RAD9A: variants seen among roughly 807,000 people sequenced by gnomAD.
The protein encoded by RAD9A is cell cycle checkpoint control protein RAD9A.
A neutral mutation model predicts 41.2 loss-of-function variants in RAD9A; 25 were observed. The observed-to-expected ratio is 0.61, with a 90% CI of 0.44 to 0.85. RAD9A has a LOEUF of 0.85. Ranked by LOEUF, RAD9A falls within the 40% of genes least tolerant of loss-of-function variation. The pLI is 0.00. For missense variants in RAD9A, 514 were observed against 518.3 expected (o/e 0.99, Z 0.08); for synonymous variants, 252 against 210.6 (o/e 1.20, Z -1.70).
chr11:67,392,262 G>GGGTGGGGGGGGGGGGGGGC, intron 2 of RAD9A, 31 bp downstream of exon 2: 1 of 600,784 alleles, frequency 1.7e-6, no homozygotes. Flanking sequence ...GGGCGGGTGG[G>GGGTGGGGGGGGGGGGGGGC]ACTCCAGCCG....
In RAD9A at chr11:67,392,748, G is replaced by A. The variant is rs1862563504; in HGVS notation, c.200G>A (p.Gly67Asp). 3 of 1,613,942 alleles carry A rather than the reference G, an allele frequency of 1.9e-6. No homozygotes were observed. The highest frequency in any genetic ancestry group is 2.5e-6 in the Non-Finnish European group (3 of 1,180,006). ...CAGCAATACCAGGCAGCCACCCCTG[G>A]TCAGGACCTGCTGCGCTGTAAGATC... Reference protein sequence around the residue: ...FFQQYQAATPGQDLLRCKILM... With the variant: ...FFQQYQAATPDQDLLRCKILM... Residue 67 changes from glycine (G) to aspartate (D), a missense_variant, in exon 3 of 11, where the codon GGT becomes GAT. Physicochemically the swap from Gly to Asp is moderately conservative, Grantham distance 94 (BLOSUM62 -1). Transcript: ENST00000307980.
chr11:67,392,248 T>TGGG lies in RAD9A; in HGVS notation c.105+21_105+23dup. ...GAGGACGGGGTGAGGGGCTAGGGTG[T>TGGG]GGGGGGCGGGTGGGACTCCAGCCGG... On this transcript the variant is annotated intron_variant, in intron 2 of 10. Coordinates refer to ENST00000307980, the MANE Select transcript of RAD9A (RefSeq NM_004584.3). 5 of 321,848 alleles carry TGGG rather than the reference T, an allele frequency of 1.6e-5. No homozygotes were observed. Among genetic ancestry groups the TGGG allele is most frequent in the Non-Finnish European group, 3.1e-5 (5 of 162,528 alleles). 19.9% of individuals were successfully genotyped at this position (321,848 alleles called of 1,614,324 possible).
intron 9 of RAD9A, 92 bp from the exon 10 acceptor site, chr11:67,397,086 TC>T (rs1400069193): frequency 7.8e-6 from 7 of 894,412 alleles, no homozygotes; most frequent in African/African-American, 5.0e-5. Flanking sequence ...TCTCCAGTGG[TC>T]GGGGGCCCCA....
intron 2 of RAD9A, 28 bp downstream of exon 2, chr11:67,392,259 T>TTGGGGGGGGGGGGGGGGG: frequency 6.2e-6 from 3 of 484,288 alleles, no homozygotes; most frequent in Non-Finnish European, 8.2e-6. Context: ...GGGGGGCGGG[T>TTGGGGGGGGGGGGGGGGG]GGGACTCCAG....
At chr11:67,393,890 A>G in intron 5 of RAD9A, 100 bp downstream of exon 5, 2 of 1,014,104 alleles carry the variant, frequency 2.0e-6, no homozygotes, top group Non-Finnish European at 2.8e-6. Context: ...CATTTTCCCT[A>G]CAGAGTTTCT....
chr11:67,395,780 C>A lies in RAD9A; in HGVS notation c.514C>A (p.Arg172Ser), dbSNP rs146502922. The change falls in exon 6 of 11, where the codon CGT (arginine) becomes AGT (serine). Residue 172 changes from arginine (R) to serine (S), a missense_variant. Around this residue, in one of 3 missense-constraint regions of RAD9A, gnomAD observed 268 missense variants for 279.3 expected, o/e 0.96. Transcript: ENST00000307980. ...ALAEVTLGIG[R>S]GRRVILRSYH... is the part of the protein sequence containing the mutation. ...GGCTGAAGTGACGCTGGGCATTGGC[C>A]GTGGCCGCAGGGTCATCCTGCGCAG... 6.2e-7 allele frequency: 1 copy of A among 1,613,838 alleles called. No homozygotes were observed. Among genetic ancestry groups the A allele is most frequent in the Admixed American group, 1.7e-5 (1 of 59,990 alleles).
chr11:67,394,739 C>T (rs1053370511), intron 5 of RAD9A, among the ~76,000 whole-genome samples: 1 of 152,046 alleles, frequency 6.6e-6, no homozygotes, highest in African/African-American at 2.4e-5. Context: ...CTCAGCCTCC[C>T]GAGTAGCTGG....
At position 67,395,774 on chromosome 11, in the gene RAD9A, A is replaced by T; in HGVS notation, c.508A>T (p.Ile170Phe). The change falls in exon 6 of 11, where the codon ATT becomes TTT. Residue 170 changes from isoleucine (I) to phenylalanine (F), a missense_variant. Physicochemically the swap from Ile to Phe is conservative, Grantham distance 21 (BLOSUM62 0). This residue lies in a region of RAD9A where 268 missense variants were observed against 279.3 expected (regional missense o/e 0.96). Coordinates refer to ENST00000307980, the MANE Select transcript of RAD9A (RefSeq NM_004584.3). ...TGCACTGGCTGAAGTGACGCTGGGC[A>T]TTGGCCGTGGCCGCAGGGTCATCCT... ...SPALAEVTLG[I>F]GRGRRVILRS... 1 of 1,613,864 alleles carries T rather than the reference A, an allele frequency of 6.2e-7. No individual in the cohort carries two copies. The highest frequency in any genetic ancestry group is 2.2e-5 in the East Asian group (1 of 44,868).
rs557986925 is a variant in RAD9A at position 67,396,293 on chromosome 11, G to C, written c.765G>C (p.Leu255Phe). Residue 255 changes from leucine (L) to phenylalanine (F), a missense_variant, in exon 9 of 11, where the codon TTG (leucine) becomes TTC (phenylalanine). By Grantham distance (22) the Leu-to-Phe change is conservative. Coordinates refer to ENST00000307980, the MANE Select transcript of RAD9A (RefSeq NM_004584.3). The part of the protein sequence containing the change: ...RPAIFTIKDS[L>F]LDGHFVLATL... ...CCATCTTCACCATCAAGGACTCTTT[G>C]CTGGACGGCCACTTTGTCTTGGCCA... is the stretch of plus-strand genomic sequence containing the variant. The C allele has an allele frequency of 3.1e-6, 5 of 1,614,052 alleles. No individual in the cohort carries two copies. In the African/African-American group the frequency reaches 6.7e-5, roughly 22 times the overall value.
chr11:67,394,095 G>T (rs1862614703), intron 5 of RAD9A, among the ~76,000 whole-genome samples: 2 of 152,174 alleles, frequency 1.3e-5, no homozygotes, highest in African/African-American at 4.8e-5. Context: ...TCCTCCTCTA[G>T]GGAGCACATT....
In RAD9A at chr11:67,396,376, C is replaced by T. The variant is rs1231562740; in HGVS notation, c.848C>T (p.Pro283Leu). The stretch of plus-strand genomic sequence containing the variant: ...CTGGGCTCCCCAGAGCGTCACCAGC[C>T]AGTGCCTCAGCTCCAGGCTCACAGG... Reference protein sequence around the residue: ...QDLGSPERHQPVPQLQAHSTP... With the variant: ...QDLGSPERHQLVPQLQAHSTP... The change falls in exon 9 of 11, where the codon CCA (proline) becomes CTA (leucine). Residue 283 changes from proline (P) to leucine (L), a missense_variant. By Grantham distance (98) the Pro-to-Leu change is moderately conservative. Around this residue, in one of 3 missense-constraint regions of RAD9A, gnomAD observed 216 missense variants for 184.2 expected, o/e 1.17. Transcript: ENST00000307980. 2 of 1,613,986 alleles carry T rather than the reference C, an allele frequency of 1.2e-6. No homozygotes were observed. The highest frequency in any genetic ancestry group is 1.6e-4 in the Middle Eastern group (1 of 6,062).
At chr11:67,395,461 G>T in intron 5 of RAD9A, 1 of 520,590 alleles carries the variant, frequency 1.9e-6, no homozygotes. Flanking sequence ...TGAAGGCCGG[G>T]TTTGTAGGGT....
chr11:67,397,472 ACT>A lies in RAD9A; in HGVS notation c.1090_1091del (p.Leu364ValfsTer24). ...GTPPPKKFRS[L>X]FFGSILAPVR... ...ACTTGTTCTCTTTCCAGTTCCGCTC[ACT>A]GTTCTTCGGCTCCATCCTGGCCCCT... On this transcript the variant is annotated frameshift_variant, in exon 11 of 11. Transcript: ENST00000307980. LOFTEE classifies it high-confidence loss of function. The A allele has an allele frequency of 6.2e-7, 1 of 1,611,146 alleles. No homozygotes were observed. The highest frequency in any genetic ancestry group is 2.2e-5 in the East Asian group (1 of 44,868).
chr11:67,393,126 A>T, intron 3 of RAD9A: 1 of 411,418 alleles, frequency 2.4e-6, no homozygotes, highest in Non-Finnish European at 3.9e-6. Context: ...CTAAAAATAC[A>T]AAAATTAGCT....
chr11:67,395,658 G>T (rs566616926), intron 5 of RAD9A, 58 bp from the exon 6 acceptor site: 1 of 1,393,124 alleles, frequency 7.2e-7, no homozygotes, highest in Non-Finnish European at 9.9e-7. Context: ...CAGGTCCTCC[G>T]AGAGCAAAGC....
intron 5 of RAD9A, 86 bp from the exon 6 acceptor site, chr11:67,395,630 C>A: frequency 3.0e-6 from 3 of 1,010,870 alleles, no homozygotes; most frequent in Non-Finnish European, 3.0e-6. Context: ...CGTGCGTGTG[C>A]ATGTGTCACC....
At position 67,397,105 on chromosome 11, in the gene RAD9A, C is replaced by G. The variant is rs1034199200; in HGVS notation, c.873-74C>G. On this transcript the variant is annotated intron_variant, in intron 9 of 10. Transcript: ENST00000307980. Reference sequence around the variant, plus strand: ...CAGTGGTCGGGGGCCCCAGAGCTCCCTTCGAGCCCTCCAAGGTGGGGCCCT... The same window carrying G: ...CAGTGGTCGGGGGCCCCAGAGCTCCGTTCGAGCCCTCCAAGGTGGGGCCCT... 1.3e-5 allele frequency: 16 copies of G among 1,218,370 alleles called. No individual in the cohort carries two copies. The Admixed American group carries it at 2.8e-4, about 22-fold the overall frequency. 75.5% of individuals were successfully genotyped at this position (1,218,370 alleles called of 1,614,324 possible). A position where few individuals can be genotyped will look rare whatever the true frequency, so the allele number is the denominator to read the frequency against.
intron 2 of RAD9A, 28 bp from the exon 3 acceptor site, chr11:67,392,626 G>A: frequency 6.2e-7 from 1 of 1,612,272 alleles, no homozygotes; most frequent in Non-Finnish European, 8.5e-7. Flanking sequence ...CCCTGACCAC[G>A]TCCCTCTCCC....
Position 67,393,616 on chromosome 11 carries a change from TG to T in RAD9A, c.349+9del. 1 of 1,613,930 alleles carries T rather than the reference TG, an allele frequency of 6.2e-7. No individual in the cohort carries two copies. Among genetic ancestry groups the T allele is most frequent in the Non-Finnish European group, 8.5e-7 (1 of 1,179,910 alleles). On this transcript the variant is annotated splice_region_variant and intron_variant, in intron 4 of 10. Coordinates refer to ENST00000307980, the MANE Select transcript of RAD9A (RefSeq NM_004584.3). ...CCAGCTGCATTGCAAGTTCGGTGAG[TG>T]GGCAGCCGGCCAGCCAAGGGGTGCC...
Sources: allele counts gnomAD v4.1 joint callset (sites outside exome capture counted in the v4.1 genomes callset), GRCh38; gene constraint gnomAD v4.1.1; regional missense constraint gnomAD v4.1.1; transcripts MANE v1.5; gene names NCBI Gene and HGNC (gene_info 2026-07-23, HGNC 2026-07-21).